Variants in CAST observed in about 807,000 individuals in gnomAD.
CAST encodes the protein calpastatin.
Under a neutral mutation model 119.6 loss-of-function variants are expected in CAST, and 76 were observed. That is an observed-to-expected ratio of 0.64 (90% CI 0.53 to 0.77). CAST has a LOEUF of 0.77. Ranked by LOEUF, CAST falls within the 30% of genes least tolerant of loss-of-function variation. The pLI is 0.00. For synonymous variants in CAST, 319 were observed against 331.6 expected (o/e 0.96, Z 0.41); for missense variants, 953 against 946.5 (o/e 1.01, Z -0.09).
chr5:96,774,129 C>G lies in CAST; in HGVS notation c.*1513C>G, dbSNP rs191859728. On this transcript the variant is annotated 3_prime_UTR_variant, in exon 32 of 32. Coordinates refer to ENST00000675179, the MANE Select transcript of CAST (RefSeq NM_001750.7). ...AGGGATTTCTAACCATGTATCTAAT[C>G]CTCCCATTTGGGCAGTATAGGTGTT... 6.5e-6 allele frequency: 1 copy of G among 152,682 alleles called. No homozygotes were observed. The highest frequency in any genetic ancestry group is 2.4e-5 in the African/African-American group (1 of 41,370). The allele number at this position is 152,682 out of a possible 1,614,324, so 9.5% of individuals were successfully genotyped here.
chr5:96,590,503 A>C (rs1438677518), intron 1 of CAST, among the ~76,000 whole-genome samples: 1 of 152,232 alleles, frequency 6.6e-6, no homozygotes, highest in Non-Finnish European at 1.5e-5. Context: ...GCCACCTGCA[A>C]GTGGCCTTGT....
chr5:96,471,772 G>GTT, the CAST span, among the ~76,000 whole-genome samples: 3 of 130,564 alleles, frequency 2.3e-5, no homozygotes, highest in African/African-American at 9.2e-5. Context: ...GTCTGTGTGT[G>GTT]TGTGTGTGTG....
intron 1 of CAST, among the ~76,000 whole-genome samples, chr5:96,665,340 T>C (rs1188744038): frequency 6.6e-6 from 1 of 152,246 alleles, no homozygotes; most frequent in Non-Finnish European, 1.5e-5. Context: ...TATTTCATCA[T>C]GTAATCAGTG....
At chr5:96,041,242 T>A in the CAST span, among the ~76,000 whole-genome samples, 2 of 152,126 alleles carry the variant, frequency 1.3e-5, no homozygotes, top group Non-Finnish European at 2.9e-5. Context: ...ATTGACAGTA[T>A]ATATTCTTGA....
At chr5:96,460,682 A>C in the CAST span, among the ~76,000 whole-genome samples, 1 of 152,188 alleles carries the variant, frequency 6.6e-6, no homozygotes, top group African/African-American at 2.4e-5. Flanking sequence ...AGTGGAAGAA[A>C]TCATGCTTGC....
the CAST span, among the ~76,000 whole-genome samples, chr5:96,114,985 T>G: frequency 7.2e-5 from 11 of 152,252 alleles, no homozygotes; most frequent in African/African-American, 2.7e-4. Flanking sequence ...AAATGGGTTC[T>G]GTAGTATCTG....
At chr5:96,243,857 C>T in the CAST span, among the ~76,000 whole-genome samples, 1 of 152,162 alleles carries the variant, frequency 6.6e-6, no homozygotes, top group Non-Finnish European at 1.5e-5. Flanking sequence ...TACCCCTTCC[C>T]AAATGCATGA....
At chr5:96,431,873 C>A in the CAST span, among the ~76,000 whole-genome samples, 1 of 152,138 alleles carries the variant, frequency 6.6e-6, no homozygotes, top group Admixed American at 6.5e-5. Context: ...ACTTCCCAAG[C>A]AGGGGGCGAG....
At chr5:96,728,295 C>A (rs1759666713) in intron 6 of CAST, 1 of 152,168 alleles carries the variant, frequency 6.6e-6, no homozygotes, top group Non-Finnish European at 1.5e-5. Flanking sequence ...CTCCTGGTGG[C>A]CCCTGGGGAT....
At chr5:96,767,619 G>A (rs984499563) in intron 28 of CAST, 137 bp downstream of exon 28, 5 of 682,506 alleles carry the variant, frequency 7.3e-6, no homozygotes, top group African/African-American at 5.4e-5. Context: ...ATATAAATGT[G>A]TGTGACTATT....
intron 3 of CAST, among the ~76,000 whole-genome samples, chr5:96,702,068 A>G (rs1331315607): frequency 6.6e-6 from 1 of 152,078 alleles, no homozygotes; most frequent in Non-Finnish European, 1.5e-5. Flanking sequence ...GCACTGTCCA[A>G]CCTGTCCTGA....
At chr5:96,539,288 C>A (rs1000034727) in intron 1 of CAST, among the ~76,000 whole-genome samples, 6 of 152,102 alleles carry the variant, frequency 3.9e-5, no homozygotes, top group African/African-American at 1.4e-4. Flanking sequence ...TTATATCATG[C>A]CAATTGTTTG....
At chr5:96,265,589 A>G in the CAST span, among the ~76,000 whole-genome samples, 1 of 152,164 alleles carries the variant, frequency 6.6e-6, no homozygotes, top group Admixed American at 6.5e-5. Flanking sequence ...CAGGCCCTCA[A>G]TTTATGAATA....
At chr5:96,620,177 C>T (rs1395049457) in intron 1 of CAST, among the ~76,000 whole-genome samples, 1 of 152,166 alleles carries the variant, frequency 6.6e-6, no homozygotes, top group African/African-American at 2.4e-5. Flanking sequence ...CTCCCTTGTC[C>T]TCTAGAGCCT....
the CAST span, among the ~76,000 whole-genome samples, chr5:96,388,480 A>G: frequency 2.6e-5 from 4 of 152,202 alleles, no homozygotes; most frequent in Non-Finnish European, 5.9e-5. Context: ...GCCAAGCCAA[A>G]CTGTGCAAGC....
At chr5:96,023,868 G>T in the CAST span, among the ~76,000 whole-genome samples, 1 of 151,578 alleles carries the variant, frequency 6.6e-6, no homozygotes, top group Non-Finnish European at 1.5e-5. Context: ...TCAGAGGCCT[G>T]GATAGTTAAT....
the CAST span, among the ~76,000 whole-genome samples, chr5:96,426,126 T>C: frequency 6.6e-6 from 1 of 152,164 alleles, no homozygotes; most frequent in Non-Finnish European, 1.5e-5. Context: ...TCTATTACAG[T>C]AAAGTGCACC....
chr5:96,708,023 A>T (rs908126342), intron 3 of CAST, among the ~76,000 whole-genome samples: 3 of 152,174 alleles, frequency 2.0e-5, no homozygotes, highest in Admixed American at 6.5e-5. Context: ...CTTTTTCCTT[A>T]TTGTGAATGT....
chr5:96,099,030 A>C, the CAST span, among the ~76,000 whole-genome samples: 1 of 151,938 alleles, frequency 6.6e-6, no homozygotes, highest in South Asian at 2.1e-4. Context: ...CCTTGTAGAG[A>C]TCTTTCACCT....
Sources: allele counts gnomAD v4.1 joint callset (sites outside exome capture counted in the v4.1 genomes callset), GRCh38; gene constraint gnomAD v4.1.1; transcripts MANE v1.5; gene names NCBI Gene and HGNC (gene_info 2026-07-23, HGNC 2026-07-21).